MAGI2: variants seen among roughly 807,000 people sequenced by gnomAD.
MAGI2 encodes the protein membrane associated guanylate kinase, WW and PDZ domain containing 2, also known as membrane-associated guanylate kinase, WW and PDZ domain-containing protein 2.
MAGI2 carries 35 observed loss-of-function variants against 133.3 expected under a neutral mutation model. The ratio of observed to expected loss-of-function variants is 0.26; its 90% CI spans 0.20 to 0.35. The LOEUF (loss-of-function observed/expected upper bound fraction) is 0.35, where lower values mean the gene tolerates loss of function less well. Among genes scored for constraint, MAGI2 ranks in the 10% least tolerant of loss-of-function variants. The pLI is 1.00. For missense variants in MAGI2, 1,636 were observed against 1,863.4 expected (o/e 0.88, Z 2.25); for synonymous variants, 729 against 710.6 (o/e 1.03, Z -0.41).
intron 1 of MAGI2, among the ~76,000 whole-genome samples, chr7:79,155,069 A>C (rs1376160802): frequency 6.6e-6 from 1 of 152,138 alleles, no homozygotes; most frequent in Non-Finnish European, 1.5e-5. Context: ...GGGTTTATTA[A>C]AATTTTCACA....
rs561296724 is a variant in MAGI2 at position 78,370,379 on chromosome 7, G to A, written c.1046-1166C>T. ...CATTTTCAAGGTGGCAACAGTAGTC[G>A]GCAGCACAGCTAGAAGCTGTGTAAT... is the stretch of plus-strand genomic sequence containing the variant. On this transcript the variant is annotated intron_variant, in intron 6 of 21. Transcript: ENST00000354212. 1.0e-3 allele frequency among the ~76,000 whole-genome samples: 156 copies of A among 152,018 alleles called. 2 individuals are homozygous for A. Among genetic ancestry groups the A allele is most frequent in the African/African-American group, 3.4e-3 (143 of 41,540 alleles).
intron 2 of MAGI2, among the ~76,000 whole-genome samples, chr7:78,893,196 G>C (rs1796914410): frequency 6.6e-6 from 1 of 152,150 alleles, no homozygotes; most frequent in East Asian, 1.9e-4. Flanking sequence ...TCTCACACCA[G>C]TTAGAATGGC....
chr7:78,556,961 G>A (rs1584621272), intron 3 of MAGI2, among the ~76,000 whole-genome samples: 2 of 151,516 alleles, frequency 1.3e-5, no homozygotes, highest in African/African-American at 4.9e-5. Flanking sequence ...CATGGTGGCA[G>A]GTGCCTGTAG....
At chr7:78,060,254 C>CG (rs3084736) in intron 21 of MAGI2, among the ~76,000 whole-genome samples, 8,026 of 136,570 alleles carry the variant, frequency 0.059, 337 homozygotes, top group African/African-American at 0.12. Context: ...ACCCCCCCCC[C>CG]TCTTTAGATT....
At chr7:78,972,997 G>A (rs925104905) in intron 2 of MAGI2, among the ~76,000 whole-genome samples, 1 of 150,842 alleles carries the variant, frequency 6.6e-6, no homozygotes, top group Non-Finnish European at 1.5e-5. Flanking sequence ...ACAAATCTGG[G>A]CTATATATTT....
intron 1 of MAGI2, among the ~76,000 whole-genome samples, chr7:79,205,092 T>A (rs1828929204): frequency 6.6e-6 from 1 of 151,330 alleles, no homozygotes; most frequent in Non-Finnish European, 1.5e-5. Context: ...TTCCCAAACA[T>A]GGAGAAAGAC....
At chr7:79,272,815 C>G (rs895792330) in intron 1 of MAGI2, among the ~76,000 whole-genome samples, 4 of 152,042 alleles carry the variant, frequency 2.6e-5, no homozygotes, top group African/African-American at 9.7e-5. Context: ...AGTTAATTCA[C>G]AATCTCCTGC....
At chr7:78,673,223 T>C (rs1814599343) in intron 2 of MAGI2, among the ~76,000 whole-genome samples, 1 of 152,114 alleles carries the variant, frequency 6.6e-6, no homozygotes, top group Non-Finnish European at 1.5e-5. Context: ...TTTTAGTCAC[T>C]GTTATTCATT....
intron 6 of MAGI2, among the ~76,000 whole-genome samples, chr7:78,389,297 A>G (rs925944924): frequency 1.8e-4 from 27 of 152,336 alleles, no homozygotes; most frequent in African/African-American, 5.3e-4. Context: ...GGAGGCAAAG[A>G]AAAAGAGAAA....
At chr7:78,421,095 G>A (rs1798750897) in intron 6 of MAGI2, among the ~76,000 whole-genome samples, 1 of 152,168 alleles carries the variant, frequency 6.6e-6, no homozygotes, top group Non-Finnish European at 1.5e-5. Flanking sequence ...GCCAAATGTG[G>A]AAACTGTTGT....
chr7:79,351,291 G>A (rs1042279162), intron 1 of MAGI2, among the ~76,000 whole-genome samples: 1 of 152,060 alleles, frequency 6.6e-6, no homozygotes, highest in South Asian at 2.1e-4. Flanking sequence ...ATTCTGTTTT[G>A]TCTTGGTATG....
At chr7:79,284,612 T>A (rs1012368960) in intron 1 of MAGI2, among the ~76,000 whole-genome samples, 1 of 152,104 alleles carries the variant, frequency 6.6e-6, no homozygotes, top group Non-Finnish European at 1.5e-5. Context: ...TTCCAAATAG[T>A]TAAAATTATT....
intron 6 of MAGI2, among the ~76,000 whole-genome samples, chr7:78,382,164 A>G (rs1336522181): frequency 6.9e-6 from 1 of 143,906 alleles, no homozygotes; most frequent in African/African-American, 2.6e-5. Flanking sequence ...TGCAGATCAT[A>G]TTGTTAAACA....
At chr7:79,193,552 T>A (rs1827839785) in intron 1 of MAGI2, among the ~76,000 whole-genome samples, 1 of 151,928 alleles carries the variant, frequency 6.6e-6, no homozygotes, top group African/African-American at 2.4e-5. Context: ...CATTTAAAAC[T>A]GGCATTGCAC....
chr7:78,201,095 A>G (rs1584368861), intron 11 of MAGI2, 67 bp downstream of exon 11: 2 of 1,079,690 alleles, frequency 1.9e-6, no homozygotes, highest in East Asian at 5.5e-5. Flanking sequence ...ACCCAATTCA[A>G]CTTTTATTAA....
At chr7:78,984,598 T>C (rs906522030) in intron 2 of MAGI2, among the ~76,000 whole-genome samples, 1 of 151,914 alleles carries the variant, frequency 6.6e-6, no homozygotes, top group Admixed American at 6.6e-5. Flanking sequence ...ATCACAGCTT[T>C]TGTTGTCTTC....
chr7:78,246,258 G>A (rs940062763), intron 10 of MAGI2, among the ~76,000 whole-genome samples: 6 of 152,134 alleles, frequency 3.9e-5, no homozygotes, highest in African/African-American at 1.4e-4. Flanking sequence ...CTGTCCAGAG[G>A]AGTCATGTCC....
At chr7:79,099,288 C>A (rs1350477812) in intron 1 of MAGI2, among the ~76,000 whole-genome samples, 1 of 151,624 alleles carries the variant, frequency 6.6e-6, no homozygotes, top group East Asian at 1.9e-4. Flanking sequence ...GAGTATCATA[C>A]AAAGTTCTAG....
At chr7:78,450,921 T>G (rs1237036851) in intron 6 of MAGI2, among the ~76,000 whole-genome samples, 1 of 152,088 alleles carries the variant, frequency 6.6e-6, no homozygotes, top group Non-Finnish European at 1.5e-5. Context: ...ATGCTCTAAT[T>G]GCTGAACCAT....
Sources: allele counts gnomAD v4.1 joint callset (sites outside exome capture counted in the v4.1 genomes callset), GRCh38; gene constraint gnomAD v4.1.1; transcripts MANE v1.5; gene names NCBI Gene and HGNC (gene_info 2026-07-23, HGNC 2026-07-21).